The following CEP131 variants were observed in gnomAD, a reference collection of about 807,000 sequenced individuals.
The protein encoded by CEP131 is centrosomal protein 131.
In CEP131, 99 loss-of-function variants were observed where a neutral mutation model predicts 136.8. The observed-to-expected ratio is 0.72, with a 90% confidence interval of 0.62 to 0.86. CEP131 has a LOEUF of 0.86. CEP131 is among the 40% of genes least tolerant of loss of function. The pLI is 0.00. For synonymous variants in CEP131, 646 were observed against 612.7 expected, an observed-to-expected ratio of 1.05 and a Z score of -0.80; for missense variants, 1,459 against 1,463.0, an observed-to-expected ratio of 1.00 and a Z score of 0.04.
At position 81,190,926 on chromosome 17, in the gene CEP131, G is replaced by A. The variant is rs777148388; in HGVS notation, c.2924C>T (p.Ala975Val). The A allele has an allele frequency of 1.4e-5, 23 of 1,604,362 alleles. No homozygotes were observed. The highest frequency in any genetic ancestry group is 8.3e-5 in the Admixed American group (5 of 59,912). The change falls in exon 23 of 26, where the codon GCG becomes GTG. Residue 975 changes from alanine to valine, a missense_variant. Ala to Val is a moderately conservative substitution (Grantham distance 64). Around this residue, in one of 3 missense-constraint regions of CEP131, gnomAD observed 1,026 missense variants for 964.2 expected, o/e 1.06. Transcript: ENST00000450824. ...ACTCACCGCCTGCGCATCCTCCAGC[G>A]CCCGCTCCTTCTGCCGCACAAGGCC... is the stretch of plus-strand genomic sequence containing the variant. ...LQGLVRQKER[A>V]LEDAQAVNEQ...
rs2062340622 is a variant in CEP131 at position 81,219,667 on chromosome 17, A to AG, written c.177+212_177+213insC. ...ACAGGAGGCCTGGGGCTGTTGCTGA[A>AG]AGAATCCAAGCTCTGGCTTGACTTT... On this transcript the variant is annotated intron_variant, in intron 2 of 25. Transcript: ENST00000450824. This position sits in a 1 kb window ranked among gnomAD's most constrained non-coding sequence, Gnocchi z 4.0. Among the ~76,000 whole-genome samples, 1 of 152,098 alleles carries AG rather than the reference A, an allele frequency of 6.6e-6. No individual in the cohort carries two copies. Among genetic ancestry groups the AG allele is most frequent in the Non-Finnish European group, 1.5e-5 (1 of 68,018 alleles).
chr17:81,192,685 G>GCGCCC, intron 19 of CEP131, 51 bp downstream of exon 19: 1 of 478,436 alleles, frequency 2.1e-6, no homozygotes, highest in Non-Finnish European at 4.1e-6. Context: ...GGGGGGAGGG[G>GCGCCC]TCAGCCAGCG....
chr17:81,215,423 A>T lies in CEP131; in HGVS notation c.177+4457T>A, dbSNP rs1266875091. Reference sequence around the variant, plus strand: ...CCTTTCAAATTTTTTTATTTATTTAATTTTTTTTGAAATGGAGTCTCGCTG... The same window carrying T: ...CCTTTCAAATTTTTTTATTTATTTATTTTTTTTTGAAATGGAGTCTCGCTG... On this transcript the variant is annotated intron_variant, in intron 2 of 25. Transcript: ENST00000450824. The surrounding 1 kb of genome is among the most constrained non-coding windows in gnomAD (Gnocchi z 4.1). Among the ~76,000 whole-genome samples the T allele has an allele frequency of 1.3e-5, 2 of 151,266 alleles. No homozygotes were observed. The highest frequency in any genetic ancestry group is 4.9e-5 in the African/African-American group (2 of 41,164).
intron 6 of CEP131, among the ~76,000 whole-genome samples, chr17:81,202,785 A>G (rs1043985583): frequency 6.6e-6 from 1 of 152,178 alleles, no homozygotes; most frequent in Non-Finnish European, 1.5e-5. Flanking sequence ...AACATGGTGA[A>G]ACCCCATTTC....
chr17:81,204,688 C>T (rs969313683), intron 5 of CEP131, among the ~76,000 whole-genome samples: 4 of 151,960 alleles, frequency 2.6e-5, no homozygotes, highest in Admixed American at 1.3e-4. Context: ...GCTCCTGCAC[C>T]AGCCTGCACC....
At chr17:81,193,904 C>A (rs1231288589) in intron 18 of CEP131, 22 bp downstream of exon 18, 4 of 1,531,744 alleles carry the variant, frequency 2.6e-6, no homozygotes, top group South Asian at 2.4e-5. Flanking sequence ...CCTGGCCCCA[C>A]CGGCCTGGGG....
chr17:81,220,227 G>A (rs959990565), intron 1 of CEP131, among the ~76,000 whole-genome samples, 154 bp from the exon 2 acceptor site: 2 of 152,238 alleles, frequency 1.3e-5, no homozygotes, highest in African/African-American at 4.8e-5. Flanking sequence ...GCTGGTGGCA[G>A]GCTCCTCGAC....
At position 81,208,931 on chromosome 17, in the gene CEP131, G is replaced by C; in HGVS notation, c.269C>G (p.Pro90Arg). The change falls in exon 3 of 26, where the codon CCC becomes CGC. Residue 90 changes from proline to arginine, a missense_variant. Physicochemically the swap from Pro to Arg is moderately radical, Grantham distance 103. Around this residue, in one of 3 missense-constraint regions of CEP131, gnomAD observed 187 missense variants for 179.9 expected, o/e 1.04. Transcript: ENST00000450824. This position sits in a 1 kb window ranked among gnomAD's most constrained non-coding sequence, Gnocchi z 5.6. ...TQVSQPRSGS[P>R]RPTEPTDFLM... ...ATCCAAGGGCCTTAGGGGTTACCTG[G>C]GGGAGCCGCTCCGAGGCTGGCTGAC... The C allele has an allele frequency of 6.2e-7, 1 of 1,613,364 alleles. No individual in the cohort carries two copies. The highest frequency in any genetic ancestry group is 1.1e-5 in the South Asian group (1 of 91,030).
Position 81,216,524 on chromosome 17 carries a change from C to A in CEP131, c.177+3356G>T, listed in dbSNP as rs535516226. On this transcript the variant is annotated intron_variant, in intron 2 of 25. Transcript: ENST00000450824. ...CCAGCCTGGGCAACAGAGCAAGACC[C>A]CGTCTTAAAAAGAAAAAGAAAAGAG... is the stretch of plus-strand genomic sequence containing the variant. 1.2e-3 allele frequency among the ~76,000 whole-genome samples: 181 copies of A among 152,246 alleles called. 2 individuals are homozygous for A. Among genetic ancestry groups the A allele is most frequent in the African/African-American group, 4.2e-3 (175 of 41,552 alleles).
chr17:81,192,353 T>A lies in CEP131; in HGVS notation c.2587A>T (p.Arg863Trp). 6.3e-7 allele frequency: 1 copy of A among 1,585,910 alleles called. No homozygotes were observed. The highest frequency in any genetic ancestry group is 8.6e-7 in the Non-Finnish European group (1 of 1,167,530). Residue 863 changes from arginine (R) to tryptophan (W), a missense_variant, in exon 21 of 26, where the codon AGG becomes TGG. Physicochemically the swap from Arg to Trp is moderately radical, Grantham distance 101. This residue lies in a region of CEP131 where 1,026 missense variants were observed against 964.2 expected (regional missense o/e 1.06). Transcript: ENST00000450824. ...GTGCGGCCGGCCTCCCACGCCTGCC[T>A]CTCCAGCTCCAGCTGCTGCTTCAGG... ...NTLKQQLELE[R>W]QAWEAGRTRK...
Position 81,192,579 on chromosome 17 carries a change from A to G in CEP131, c.2444T>C (p.Leu815Pro), listed in dbSNP as rs536923324. Residue 815 changes from leucine to proline, a missense_variant, in exon 20 of 26, where the codon CTG becomes CCG. Around this residue, in one of 3 missense-constraint regions of CEP131, gnomAD observed 1,026 missense variants for 964.2 expected, o/e 1.06. Transcript: ENST00000450824. Reference protein sequence around the residue: ...GQQAARQRAELEELRQQLEES... With the variant: ...GQQAARQRAEPEELRQQLEES... The stretch of plus-strand genomic sequence containing the variant: ...CTCCAGCTGCTGCCTCAGCTCTTCC[A>G]GCTCCGCCCGCTGCCTGCGGCCAGG... The G allele has an allele frequency of 8.7e-6, 14 of 1,605,554 alleles. 1 individual carries two copies. Among genetic ancestry groups the G allele is most frequent in the Admixed American group, 1.7e-5 (1 of 59,670 alleles).
rs1242047021 is a variant in CEP131 at position 81,215,320 on chromosome 17, C to T, written c.177+4560G>A. Reference sequence around the variant, plus strand: ...CTATGTTGCCCAGGCTGGTCTCAAACTCCTGGCCTCAAGTGATCCTCCCAC... The same window carrying T: ...CTATGTTGCCCAGGCTGGTCTCAAATTCCTGGCCTCAAGTGATCCTCCCAC... On this transcript the variant is annotated intron_variant, in intron 2 of 25. Coordinates refer to ENST00000450824, the MANE Select transcript of CEP131 (RefSeq NM_014984.4). This position sits in a 1 kb window ranked among gnomAD's most constrained non-coding sequence, Gnocchi z 4.1. 2.6e-5 allele frequency among the ~76,000 whole-genome samples: 4 copies of T among 152,012 alleles called. No homozygotes were observed. The highest frequency in any genetic ancestry group is 9.7e-5 in the African/African-American group (4 of 41,382).
intron 17 of CEP131, among the ~76,000 whole-genome samples, 157 bp downstream of exon 17, chr17:81,194,713 C>T (rs951953964): frequency 2.6e-5 from 4 of 151,788 alleles, no homozygotes; most frequent in African/African-American, 9.7e-5. Flanking sequence ...GAAGCCGCAG[C>T]GGAGGCCGTG....
At chr17:81,201,924 A>G (rs2061899508) in intron 7 of CEP131, among the ~76,000 whole-genome samples, 1 of 151,982 alleles carries the variant, frequency 6.6e-6, no homozygotes, top group Admixed American at 6.6e-5. Flanking sequence ...ACACGGTGAA[A>G]CCCCGTCTCT....
chr17:81,202,509 C>T, intron 6 of CEP131, 111 bp from the exon 7 acceptor site: 2 of 1,288,222 alleles, frequency 1.6e-6, no homozygotes, highest in Non-Finnish European at 1.1e-6. Flanking sequence ...GGAAGTGGTG[C>T]TGGCAGGCTG....
In CEP131 at chr17:81,202,373, C is replaced by T. The variant is rs1436232668; in HGVS notation, c.655G>A (p.Glu219Lys). The T allele has an allele frequency of 6.2e-7, 1 of 1,613,436 alleles. No individual in the cohort carries two copies. The highest frequency in any genetic ancestry group is 8.5e-7 in the Non-Finnish European group (1 of 1,179,892). ...CCAAAGCCGCTGCTCTCACTGCCCT[C>T]ACAGGTGGCTGCCTTGATGATGTTG... Reference protein sequence around the residue: ...LNNIIKAATCEGSESSGFGKL... With the variant: ...LNNIIKAATCKGSESSGFGKL... Residue 219 changes from glutamate (E) to lysine (K), a missense_variant, in exon 7 of 26, where the codon GAG becomes AAG. Physicochemically the swap from Glu to Lys is moderately conservative, Grantham distance 56. Coordinates refer to ENST00000450824, the MANE Select transcript of CEP131 (RefSeq NM_014984.4).
chr17:81,192,261 T>A, intron 21 of CEP131, 57 bp downstream of exon 21: 1 of 1,501,288 alleles, frequency 6.7e-7, no homozygotes, highest in Non-Finnish European at 9.0e-7. Context: ...AGCCCCCAAC[T>A]CCTGCCCACG....
chr17:81,204,041 G>A, intron 5 of CEP131: 1 of 162,904 alleles, frequency 6.1e-6, no homozygotes, highest in Non-Finnish European at 1.3e-5. Context: ...TGACAGGAGG[G>A]ATGGGGAGAC....
chr17:81,190,399 G>A (rs1410942867), intron 24 of CEP131, among the ~76,000 whole-genome samples: 6 of 152,154 alleles, frequency 3.9e-5, no homozygotes, highest in Admixed American at 1.3e-4. Flanking sequence ...GCCCAGACCC[G>A]ACCCACTCGG....
Sources: allele counts gnomAD v4.1 joint callset (sites outside exome capture counted in the v4.1 genomes callset), GRCh38; gene constraint gnomAD v4.1.1; regional missense constraint gnomAD v4.1.1; non-coding constraint Gnocchi (gnomAD v3.1); transcripts MANE v1.5; gene names NCBI Gene and HGNC (gene_info 2026-07-23, HGNC 2026-07-21).